The following ZNF609 variants were observed in gnomAD, a reference collection of about 807,000 sequenced individuals.
ZNF609 encodes the protein zinc finger protein 609.
Under a neutral mutation model 109.5 loss-of-function variants are expected in ZNF609, and 11 were observed. The ratio of observed to expected loss-of-function variants is 0.10; its 90% CI spans 0.06 to 0.17. ZNF609 has a LOEUF of 0.17. ZNF609 is among the 10% of genes least tolerant of loss of function. The pLI is 1.00. For synonymous variants in ZNF609, 646 were observed against 662.0 expected, an observed-to-expected ratio of 0.98 and a Z score of 0.37; for missense variants, 1,559 against 1,772.4, an observed-to-expected ratio of 0.88 and a Z score of 2.16.
intron 3 of ZNF609, among the ~76,000 whole-genome samples, chr15:64,662,006 G>A (rs1235281729): frequency 1.3e-5 from 2 of 151,216 alleles, no homozygotes; most frequent in African/African-American, 2.5e-5. Context: ...TAACTGGGTG[G>A]TCTGACTCAG....
intron 2 of ZNF609, among the ~76,000 whole-genome samples, chr15:64,503,876 T>C (rs1893595361): frequency 6.6e-6 from 1 of 152,262 alleles, no homozygotes; most frequent in Non-Finnish European, 1.5e-5. Flanking sequence ...CTTCTGATCA[T>C]GCATGCTATC....
At chr15:64,600,467 GA>G (rs561428455) in intron 2 of ZNF609, among the ~76,000 whole-genome samples, 4,221 of 121,928 alleles carry the variant, frequency 0.035, 209 homozygotes, top group South Asian at 0.27. Context: ...AAAAAAAAAA[GA>G]AAAAAAAAAA....
At chr15:64,639,557 C>CAAATTGCTTATA (rs1896224468) in intron 3 of ZNF609, among the ~76,000 whole-genome samples, 1 of 152,150 alleles carries the variant, frequency 6.6e-6, no homozygotes, top group Admixed American at 6.5e-5. Context: ...TATCTGTGTC[C>CAAATTGCTTATA]AAATTGCTCC....
chr15:64,613,152 C>G (rs1323444061), intron 2 of ZNF609, among the ~76,000 whole-genome samples: 2 of 152,042 alleles, frequency 1.3e-5, no homozygotes, highest in African/African-American at 2.4e-5. Context: ...AAAACCTTGT[C>G]TCTACAAAAA....
intron 2 of ZNF609, among the ~76,000 whole-genome samples, chr15:64,545,070 C>A (rs1894333031): frequency 6.6e-6 from 1 of 152,184 alleles, no homozygotes; most frequent in African/African-American, 2.4e-5. Context: ...GACTAGTACC[C>A]CACTTCTTTC....
intron 2 of ZNF609, among the ~76,000 whole-genome samples, chr15:64,509,880 T>G (rs1319166587): frequency 6.6e-6 from 1 of 152,218 alleles, no homozygotes; most frequent in Non-Finnish European, 1.5e-5. Context: ...TTGAAGGGAT[T>G]AGCAGAGGTA....
intron 1 of ZNF609, among the ~76,000 whole-genome samples, chr15:64,471,794 G>C (rs148463183): frequency 6.6e-6 from 1 of 152,044 alleles, no homozygotes; most frequent in South Asian, 2.1e-4. Context: ...TGTTGGTCTG[G>C]CTGGTCTCGA....
At chr15:64,591,143 T>A (rs967872063) in intron 2 of ZNF609, among the ~76,000 whole-genome samples, 3 of 151,726 alleles carry the variant, frequency 2.0e-5, no homozygotes, top group South Asian at 4.2e-4. Context: ...AAGACCAGCC[T>A]CCGAGGCCAA....
chr15:64,673,955 T>C lies in ZNF609; in HGVS notation c.1101T>C (p.Asn367=). The C allele has an allele frequency of 1.9e-6, 3 of 1,613,402 alleles. No individual in the cohort carries two copies. The highest frequency in any genetic ancestry group is 1.3e-5 in the African/African-American group (1 of 75,012). The change falls in exon 5 of 10, where the codon AAT becomes AAC. Residue 367 remains asparagine (N), a synonymous_variant. Coordinates refer to ENST00000326648, the MANE Select transcript of ZNF609 (RefSeq NM_015042.2). ...DSPTSDLEMR[N]GRGRGKRMRP... is the part of the protein sequence containing the mutation. The stretch of plus-strand genomic sequence containing the variant: ...CGACCAGTGACCTGGAAATGCGCAA[T>C]GGCCGGGGTAGAGGCAAACGCATGC...
intron 2 of ZNF609, among the ~76,000 whole-genome samples, chr15:64,556,431 C>G (rs775205205): frequency 3.9e-5 from 6 of 152,038 alleles, no homozygotes; most frequent in African/African-American, 7.3e-5. Flanking sequence ...CTGCTCCTGG[C>G]CAGCACTTAT....
At chr15:64,597,237 C>A (rs73451091) in intron 2 of ZNF609, among the ~76,000 whole-genome samples, 7,032 of 152,150 alleles carry the variant, frequency 0.046, 539 homozygotes, top group African/African-American at 0.16. Context: ...GCTCAGTGCC[C>A]TCAGCTTGAG....
At chr15:64,680,418 G>A (rs1896867145) in intron 7 of ZNF609, 58 bp downstream of exon 7, 8 of 1,589,306 alleles carry the variant, frequency 5.0e-6, no homozygotes, top group African/African-American at 2.7e-5. Flanking sequence ...CCAGATCCAG[G>A]GTCTGGGAGA....
At chr15:64,577,956 A>G (rs1438821001) in intron 2 of ZNF609, among the ~76,000 whole-genome samples, 1 of 151,822 alleles carries the variant, frequency 6.6e-6, no homozygotes, top group Non-Finnish European at 1.5e-5. Context: ...GGAGTTCAAG[A>G]CTAGCCTGGG....
intron 2 of ZNF609, among the ~76,000 whole-genome samples, chr15:64,598,360 C>T (rs1224073638): frequency 6.6e-6 from 1 of 152,160 alleles, no homozygotes; most frequent in Non-Finnish European, 1.5e-5. Context: ...AAGTGATCCA[C>T]CTGCTTCAAC....
intron 3 of ZNF609, among the ~76,000 whole-genome samples, chr15:64,658,577 C>A (rs991779532): frequency 6.6e-6 from 1 of 151,966 alleles, no homozygotes; most frequent in Admixed American, 6.6e-5. Context: ...CACACACACA[C>A]ACACACATTA....
At chr15:64,556,004 T>C (rs1275968067) in intron 2 of ZNF609, among the ~76,000 whole-genome samples, 9 of 151,324 alleles carry the variant, frequency 5.9e-5, no homozygotes, top group Non-Finnish European at 1.2e-4. Context: ...TTTTTTTTTT[T>C]AGTTGGAGAC....
chr15:64,669,976 ATT>A (rs1179277895), intron 3 of ZNF609, among the ~76,000 whole-genome samples: 1 of 152,088 alleles, frequency 6.6e-6, no homozygotes. Flanking sequence ...CCAAAAAAAA[ATT>A]TTTTTAATTA....
At chr15:64,577,051 T>TATATATATGTATATATACAC (rs1894982378) in intron 2 of ZNF609, among the ~76,000 whole-genome samples, 1 of 53,686 alleles carries the variant, frequency 1.9e-5, no homozygotes, top group African/African-American at 4.8e-5. Context: ...TACACATAAA[T>TATATATATGTATATATACAC]ATATACATAT....
intron 2 of ZNF609, chr15:64,592,955 C>G: frequency 1.1e-6 from 1 of 930,968 alleles, no homozygotes; most frequent in Non-Finnish European, 1.7e-6. Context: ...AATGTTTTTG[C>G]TCTCTCCGGT....
Sources: gnomAD v4.1 joint callset for allele counts (sites outside exome capture counted in the v4.1 genomes callset) on GRCh38, gnomAD v4.1.1 for gene constraint, MANE v1.5 for transcripts, NCBI Gene and HGNC (gene_info 2026-07-23, HGNC 2026-07-21) for gene names.